EYS: variants seen among roughly 807,000 people sequenced by gnomAD.
EYS encodes protein eyes shut homolog.
EYS carries 250 observed loss-of-function variants against 282.1 expected under a neutral mutation model. That is an observed-to-expected ratio of 0.89 (90% CI 0.80 to 0.98). The LOEUF is 0.98. EYS is among the 50% of genes least tolerant of loss of function. The pLI is 0.00. For missense variants in EYS, 4,016 were observed against 3,709.0 expected (o/e 1.08, Z -2.15); for synonymous variants, 1,355 against 1,282.9 (o/e 1.06, Z -1.20).
intron 11 of EYS, among the ~76,000 whole-genome samples, chr6:65,326,525 C>A (rs777980402): frequency 4.0e-4 from 60 of 151,432 alleles, no homozygotes; most frequent in Admixed American, 1.4e-3. Flanking sequence ...GTTTTAATAT[C>A]TTTTCTCATA....
chr6:65,109,054 G>A (rs1270027533), intron 12 of EYS, among the ~76,000 whole-genome samples: 6 of 151,252 alleles, frequency 4.0e-5, no homozygotes, highest in Admixed American at 6.6e-5. Context: ...TCCTTATCTC[G>A]CTGAGATTTC....
intron 12 of EYS, among the ~76,000 whole-genome samples, chr6:65,063,746 C>T (rs1186789871): frequency 1.3e-5 from 2 of 151,894 alleles, no homozygotes; most frequent in African/African-American, 4.8e-5. Flanking sequence ...TTTTTTTCTT[C>T]CCAAAAATGG....
intron 35 of EYS, among the ~76,000 whole-genome samples, chr6:63,967,232 G>A (rs1766351116): frequency 6.6e-6 from 1 of 152,176 alleles, no homozygotes; most frequent in Non-Finnish European, 1.5e-5. Flanking sequence ...GAGCAGGACA[G>A]CAGAGACTTC....
At chr6:65,696,507 T>G (rs1002069853) in intron 1 of EYS, among the ~76,000 whole-genome samples, 7 of 152,010 alleles carry the variant, frequency 4.6e-5, no homozygotes, top group Admixed American at 2.0e-4. Flanking sequence ...CTTGATTTTC[T>G]TAGTTGCTAT....
chr6:65,513,401 A>G (rs1359757096), intron 2 of EYS, among the ~76,000 whole-genome samples: 4 of 150,944 alleles, frequency 2.6e-5, no homozygotes, highest in East Asian at 2.0e-4. Flanking sequence ...AACTATTCCA[A>G]TCAATAGAAA....
intron 12 of EYS, among the ~76,000 whole-genome samples, chr6:65,247,292 C>A (rs1415169709): frequency 1.3e-5 from 2 of 151,980 alleles, no homozygotes; most frequent in Non-Finnish European, 2.9e-5. Context: ...TTCCAGATAT[C>A]AATTTTCTCA....
At position 64,239,316 on chromosome 6, in the gene EYS, G is replaced by A. The variant is rs1310320714; in HGVS notation, c.6192-8492C>T. ...ATGGTATTTCTAGTTTTAGATCATT[G>A]AGGAATCACCACACTGTCTTCCACA... is the stretch of plus-strand genomic sequence containing the variant. On this transcript the variant is annotated intron_variant, in intron 30 of 42. Transcript: ENST00000503581. Among the ~76,000 whole-genome samples the A allele has an allele frequency of 3.3e-5, 5 of 152,144 alleles. No individual in the cohort carries two copies. In the East Asian group the frequency reaches 9.7e-4, roughly 29 times the overall value.
intron 7 of EYS, among the ~76,000 whole-genome samples, chr6:65,393,546 A>G (rs1307284626): frequency 6.6e-6 from 1 of 152,226 alleles, no homozygotes; most frequent in African/African-American, 2.4e-5. Context: ...TAATTTTATT[A>G]TATGTTGAAA....
chr6:65,117,165 T>C (rs1775400370), intron 12 of EYS, among the ~76,000 whole-genome samples: 1 of 152,212 alleles, frequency 6.6e-6, no homozygotes, highest in African/African-American at 2.4e-5. Context: ...TCACAGGTTT[T>C]TACCATATCA....
chr6:65,317,235 A>G (rs1215520143), intron 11 of EYS, among the ~76,000 whole-genome samples: 1 of 152,140 alleles, frequency 6.6e-6, no homozygotes, highest in Non-Finnish European at 1.5e-5. Flanking sequence ...AAAAATCTGT[A>G]ATAGGTGTTT....
chr6:64,346,873 A>C (rs1771424307), intron 29 of EYS, among the ~76,000 whole-genome samples: 1 of 151,388 alleles, frequency 6.6e-6, no homozygotes, highest in Non-Finnish European at 1.5e-5. Flanking sequence ...AAAAACCTAC[A>C]CTTCTAAATT....
At position 64,175,325 on chromosome 6, in the gene EYS, C is replaced by A. The variant is rs528421216; in HGVS notation, c.6424+55267G>T. Among the ~76,000 whole-genome samples the A allele has an allele frequency of 5.3e-5, 8 of 152,204 alleles. No individual in the cohort carries two copies. The South Asian group carries it at 1.7e-3, about 32-fold the overall frequency. On this transcript the variant is annotated intron_variant, in intron 31 of 42. Transcript: ENST00000503581. ...CAGAAAGCAAAGCCTCAGACAAAAG[C>A]TAGTGTGCTTCTATCCCTTTCAGGA...
At chr6:64,811,064 C>A (rs989421636) in intron 22 of EYS, among the ~76,000 whole-genome samples, 2 of 151,668 alleles carry the variant, frequency 1.3e-5, no homozygotes, top group African/African-American at 4.8e-5. Flanking sequence ...AACCCTTAAC[C>A]CATGAACAAA....
intron 28 of EYS, among the ~76,000 whole-genome samples, chr6:64,399,892 G>C (rs777626780): frequency 2.2e-4 from 33 of 151,992 alleles, no homozygotes; most frequent in Admixed American, 5.9e-4. Flanking sequence ...CCTGATAATA[G>C]TTTCTGTTAA....
chr6:65,642,208 C>A (rs935385250), intron 1 of EYS, among the ~76,000 whole-genome samples: 1 of 151,888 alleles, frequency 6.6e-6, no homozygotes, highest in Non-Finnish European at 1.5e-5. Context: ...ACTTCTGGGT[C>A]TATTTATTTT....
chr6:63,861,758 G>A (rs1772536658), intron 36 of EYS, among the ~76,000 whole-genome samples: 1 of 152,156 alleles, frequency 6.6e-6, no homozygotes, highest in South Asian at 2.1e-4. Context: ...GAAACTCCAG[G>A]GAGCTAGTTA....
intron 16 of EYS, among the ~76,000 whole-genome samples, chr6:64,910,191 T>C (rs1201818087): frequency 6.6e-6 from 1 of 152,142 alleles, no homozygotes; most frequent in East Asian, 1.9e-4. Flanking sequence ...TTTGTAGTTC[T>C]AAATGTTGAT....
intron 13 of EYS, among the ~76,000 whole-genome samples, chr6:65,034,906 C>CA (rs1193330228): frequency 6.6e-6 from 1 of 151,618 alleles, no homozygotes; most frequent in Non-Finnish European, 1.5e-5. Context: ...AAAGAAACAA[C>CA]AAAAAAAGAA....
chr6:65,050,430 CTTA>C (rs1462795597), intron 13 of EYS, among the ~76,000 whole-genome samples: 1 of 151,192 alleles, frequency 6.6e-6, no homozygotes, highest in African/African-American at 2.4e-5. Context: ...GGATTAATAA[CTTA>C]TTATGGACTC....
Sources: allele counts gnomAD v4.1 joint callset (sites outside exome capture counted in the v4.1 genomes callset), GRCh38; gene constraint gnomAD v4.1.1; transcripts MANE v1.5; gene names NCBI Gene and HGNC (gene_info 2026-07-23, HGNC 2026-07-21).